Variants in SLC22A16 observed in about 807,000 individuals in gnomAD.
SLC22A16 encodes solute carrier family 22 member 16, also known as WUGSC:RG331P03.1.
Under a neutral mutation model 52.9 loss-of-function variants are expected in SLC22A16, and 53 were observed. That is an observed-to-expected ratio of 1.00 (90% confidence interval 0.80 to 1.26). SLC22A16 has a LOEUF of 1.26. SLC22A16 is among the 50% of genes most tolerant of loss of function. SLC22A16 has a pLI of 0.00. For missense variants in SLC22A16, 726 were observed against 704.0 expected (o/e 1.03, Z -0.35); for synonymous variants, 291 against 268.8 (o/e 1.08, Z -0.81).
chr6:110,429,648 G>A (rs577877610), intron 7 of SLC22A16, among the ~76,000 whole-genome samples: 2 of 152,302 alleles, frequency 1.3e-5, no homozygotes, highest in East Asian at 3.9e-4. Context: ...GGATGCAAAT[G>A]TCCTGCTCTG....
Position 110,442,565 on chromosome 6 carries a change from G to A in SLC22A16, c.862C>T (p.Leu288Phe), listed in dbSNP as rs369109213. 43 of 1,614,018 alleles carry A rather than the reference G, an allele frequency of 2.7e-5. No homozygotes were observed. The highest frequency in any genetic ancestry group is 3.4e-5 in the Non-Finnish European group (40 of 1,180,046). The change falls in exon 4 of 8, where the codon CTC becomes TTC. Residue 288 changes from leucine (L) to phenylalanine (F), a missense_variant. Physicochemically the swap from Leu to Phe is conservative, Grantham distance 22. Coordinates refer to ENST00000368919, the MANE Select transcript of SLC22A16 (RefSeq NM_033125.4). ...TVPFILCCWV[L>F]PETPFWLLSE... is the part of the protein sequence containing the mutation. ...AGAAGCCAAAAAGGTGTCTCTGGGA[G>A]CACCCAACAGCACAGGATAAAGGGG... is the stretch of plus-strand genomic sequence containing the variant.
chr6:110,455,895 G>C (rs1008801038), intron 2 of SLC22A16: 1 of 152,360 alleles, frequency 6.6e-6, no homozygotes, highest in East Asian at 1.9e-4. Context: ...GCAGCAATAA[G>C]GCACCATCTT....
chr6:110,425,515 C>A, intron 7 of SLC22A16: 1 of 668,590 alleles, frequency 1.5e-6, no homozygotes, highest in Non-Finnish European at 2.2e-6. Flanking sequence ...GTCCCTGCCC[C>A]AATAATCAGT....
At chr6:110,445,126 C>T (rs1481483294) in intron 3 of SLC22A16, among the ~76,000 whole-genome samples, 2 of 152,122 alleles carry the variant, frequency 1.3e-5, no homozygotes, top group Non-Finnish European at 2.9e-5. Flanking sequence ...TTGTGGATTG[C>T]CATTGCCTTT....
In SLC22A16 at chr6:110,454,645, AT is replaced by A. The variant is rs1207221819; in HGVS notation, c.533+1892del. 2.2e-3 allele frequency among the ~76,000 whole-genome samples: 105 copies of A among 48,732 alleles called. 1 individual carries two copies. The highest frequency in any genetic ancestry group is 0.011 in the African/African-American group (98 of 9,104). 32.0% of individuals were successfully genotyped at this position (48,732 alleles called of 152,430 possible). ...TAATATATATTTATATATATTATAT[AT>A]TTTATATATATTATATATATTTATA... On this transcript the variant is annotated intron_variant, in intron 2 of 7. Transcript: ENST00000368919.
chr6:110,474,642 C>T (rs574785609), intron 1 of SLC22A16, among the ~76,000 whole-genome samples: 3 of 152,208 alleles, frequency 2.0e-5, no homozygotes, highest in Admixed American at 6.5e-5. Context: ...AGAGCTGTCT[C>T]CTCAAACCCA....
At position 110,438,127 on chromosome 6, in the gene SLC22A16, C is replaced by T. The variant is rs190002004; in HGVS notation, c.1311+593G>A. 5.5e-3 allele frequency among the ~76,000 whole-genome samples: 829 copies of T among 151,964 alleles called. 2 individuals carry two copies. Among genetic ancestry groups the T allele is most frequent in the Middle Eastern group, 0.02 (6 of 294 alleles). Reference sequence around the variant, plus strand: ...GCCAGACGCCCTCTCGTTACATTTACGGAAACTTGATGCACTGTGTGTTCT... The same window carrying T: ...GCCAGACGCCCTCTCGTTACATTTATGGAAACTTGATGCACTGTGTGTTCT... On this transcript the variant is annotated intron_variant, in intron 5 of 7. Transcript: ENST00000368919.
intron 1 of SLC22A16, among the ~76,000 whole-genome samples, chr6:110,457,465 G>A (rs569200896): frequency 1.2e-4 from 18 of 152,220 alleles, no homozygotes; most frequent in Non-Finnish European, 2.6e-4. Flanking sequence ...GCTGTGGGTG[G>A]CAAGCCACCC....
At chr6:110,434,644 G>A (rs559428050) in intron 6 of SLC22A16, among the ~76,000 whole-genome samples, 28 of 149,980 alleles carry the variant, frequency 1.9e-4, no homozygotes, top group Admixed American at 6.0e-4. Context: ...CGGGTGGGGC[G>A]GGCAGGGTGG....
At chr6:110,438,908 G>A (rs892488835) in intron 4 of SLC22A16, 61 bp from the exon 5 acceptor site, 30 of 1,595,132 alleles carry the variant, frequency 1.9e-5, no homozygotes, top group South Asian at 9.1e-5. Flanking sequence ...GGGGACCCCC[G>A]TCTTCTAACC....
chr6:110,438,974 C>G (rs985691705), intron 4 of SLC22A16, 127 bp from the exon 5 acceptor site: 48 of 1,195,922 alleles, frequency 4.0e-5, no homozygotes, highest in Non-Finnish European at 5.0e-5. Context: ...TTTAGAAACT[C>G]TCTAAGAATT....
intron 1 of SLC22A16, chr6:110,475,812 T>C (rs554524114): frequency 2.1e-4 from 88 of 417,778 alleles, no homozygotes; most frequent in Non-Finnish European, 3.8e-4. Flanking sequence ...ATAATTTAAA[T>C]TTTTTAAATC....
intron 1 of SLC22A16, among the ~76,000 whole-genome samples, chr6:110,473,754 C>T (rs5029495): frequency 0.078 from 11,017 of 141,530 alleles, 58 homozygotes; most frequent in East Asian, 0.2. Flanking sequence ...CTCGAGCTCC[C>T]GACCTCGTGA....
intron 3 of SLC22A16, 121 bp downstream of exon 3, chr6:110,446,752 G>A: frequency 1.2e-6 from 1 of 818,026 alleles, no homozygotes; most frequent in Non-Finnish European, 2.0e-6. Flanking sequence ...CTTCTGCAGT[G>A]GAGTGGACAA....
At position 110,435,891 on chromosome 6, in the gene SLC22A16, A is replaced by G; in HGVS notation, c.1382T>C (p.Ile461Thr). Residue 461 changes from isoleucine (I) to threonine (T), a missense_variant, in exon 6 of 8, where the codon ATT becomes ACT. Physicochemically the swap from Ile to Thr is moderately conservative, Grantham distance 89 (BLOSUM62 -1). Coordinates refer to ENST00000368919, the MANE Select transcript of SLC22A16 (RefSeq NM_033125.4). ...ATACAGCTCAGCTGTATAAAGATAA[A>G]TGAGGCCAAATGCTGCCCCGATGGC... ...KFAIGAAFGL[I>T]YLYTAELYPT... is the part of the protein sequence containing the mutation. 2.5e-6 allele frequency: 4 copies of G among 1,613,976 alleles called. No individual in the cohort carries two copies. The highest frequency in any genetic ancestry group is 3.4e-6 in the Non-Finnish European group (4 of 1,179,910).
At chr6:110,439,324 A>C (rs960991396) in intron 4 of SLC22A16, among the ~76,000 whole-genome samples, 3 of 152,142 alleles carry the variant, frequency 2.0e-5, no homozygotes, top group African/African-American at 7.2e-5. Flanking sequence ...AAAAGTAAAA[A>C]ACTATGTCAT....
chr6:110,438,099 G>A (rs1185539873), intron 5 of SLC22A16, among the ~76,000 whole-genome samples: 1 of 151,904 alleles, frequency 6.6e-6, no homozygotes, highest in Non-Finnish European at 1.5e-5. Flanking sequence ...AGTACACACG[G>A]GTGCCAGACG....
chr6:110,425,990 A>G (rs939542183), intron 7 of SLC22A16, among the ~76,000 whole-genome samples: 4 of 152,266 alleles, frequency 2.6e-5, no homozygotes, highest in Non-Finnish European at 4.4e-5. Flanking sequence ...GTATGTTTAT[A>G]GCCTCTGAAA....
chr6:110,435,696 C>G (rs945909933), intron 6 of SLC22A16, among the ~76,000 whole-genome samples, 156 bp downstream of exon 6: 1 of 152,212 alleles, frequency 6.6e-6, no homozygotes, highest in African/African-American at 2.4e-5. Context: ...TACAAAGCCT[C>G]AGACTCAAAA....
Sources: allele counts gnomAD v4.1 joint callset (sites outside exome capture counted in the v4.1 genomes callset), GRCh38; gene constraint gnomAD v4.1.1; transcripts MANE v1.5; gene names NCBI Gene and HGNC (gene_info 2026-07-23, HGNC 2026-07-21).